Variants in TMEM106C observed in about 807,000 individuals in gnomAD.
TMEM106C encodes the protein endoplasmic reticulum membrane protein overexpressed in cancer.
In TMEM106C, 27 loss-of-function variants were observed where a neutral mutation model predicts 30.8. That is an observed-to-expected ratio of 0.88 (90% CI 0.65 to 1.21). The LOEUF (loss-of-function observed/expected upper bound fraction) is 1.21, where lower values mean the gene tolerates loss of function less well. Among genes scored for constraint, TMEM106C ranks in the 50% most tolerant of loss-of-function variants. TMEM106C has a pLI of 0.00. For missense variants in TMEM106C, 288 were observed against 307.8 expected (o/e 0.94, Z 0.48); for synonymous variants, 123 against 118.8 (o/e 1.04, Z -0.23).
At chr12:47,966,292 A>G in intron 5 of TMEM106C, 63 bp downstream of exon 5, 1 of 1,574,352 alleles carries the variant, frequency 6.4e-7, no homozygotes, top group African/African-American at 1.4e-5. Flanking sequence ...GGCTGTAGGA[A>G]TGCCATAGCT....
chr12:47,964,197 T>G lies in TMEM106C; in HGVS notation c.-28-12T>G, dbSNP rs1183315580. 8.1e-6 allele frequency: 13 copies of G among 1,599,366 alleles called. No individual in the cohort carries two copies. The highest frequency in any genetic ancestry group is 1.3e-5 in the African/African-American group (1 of 74,638). On this transcript the variant is annotated splice_polypyrimidine_tract_variant and intron_variant, in intron 1 of 7. Transcript: ENST00000429772. ...TGGGGCCGCTAACGTGCACTCCCTC[T>G]TTTCATCTTAGGACATGACACCAGT...
At chr12:47,964,599 C>T in intron 2 of TMEM106C, 176 bp downstream of exon 2, 1 of 609,478 alleles carries the variant, frequency 1.6e-6, no homozygotes, top group South Asian at 2.0e-5. Flanking sequence ...CTCTTCCTCT[C>T]CTTATTTTTC....
In TMEM106C at chr12:47,965,940, C is replaced by G; in HGVS notation, c.354C>G (p.Ile118Met). The stretch of plus-strand genomic sequence containing the variant: ...CAGTCCTTGTGGATGATGACGGCAT[C>G]AAAGTGGTGAAAGTCACATTTAATA... The part of the protein sequence containing the change: ...PHSVLVDDDG[I>M]KVVKVTFNKQ... The change falls in exon 4 of 8, where the codon ATC (isoleucine) becomes ATG (methionine). Residue 118 changes from isoleucine (I) to methionine (M), a missense_variant. By Grantham distance (10) the Ile-to-Met change is conservative. Coordinates refer to ENST00000429772, the MANE Select transcript of TMEM106C (RefSeq NM_001143842.2). The G allele has an allele frequency of 6.2e-7, 1 of 1,614,228 alleles. No individual in the cohort carries two copies. Among genetic ancestry groups the G allele is most frequent in the African/African-American group, 1.3e-5 (1 of 75,056 alleles).
intron 3 of TMEM106C, 79 bp from the exon 4 acceptor site, chr12:47,965,759 C>T: frequency 1.3e-6 from 2 of 1,544,886 alleles, no homozygotes; most frequent in Non-Finnish European, 8.8e-7. Context: ...CTTCTCTTTC[C>T]TGGTTTTGTG....
At chr12:47,965,130 C>G in intron 2 of TMEM106C, 152 bp from the exon 3 acceptor site, 3 of 631,512 alleles carry the variant, frequency 4.8e-6, no homozygotes. Flanking sequence ...TCTCTTGTTT[C>G]TTGTTCATTA....
chr12:47,965,187 CAGA>C (rs1302522341), intron 2 of TMEM106C, 92 bp from the exon 3 acceptor site: 1 of 989,418 alleles, frequency 1.0e-6, no homozygotes, highest in East Asian at 2.5e-5. Context: ...TGTCTCATTC[CAGA>C]AGAATATTTG....
Position 47,964,277 on chromosome 12 carries a change from G to T in TMEM106C, c.41G>T (p.Cys14Phe), listed in dbSNP as rs1363982491. The change falls in exon 2 of 8, where the codon TGC becomes TTC. Residue 14 changes from cysteine (C) to phenylalanine (F), a missense_variant. Physicochemically the swap from Cys to Phe is radical, Grantham distance 205. Transcript: ENST00000429772. The stretch of plus-strand genomic sequence containing the variant: ...TCCGCTGCTGCTCGCCCCTCCTCCT[G>T]CAGGCGAAAGCAAGAAGATGACAGG... ...QHSAAARPSS[C>F]RRKQEDDRDG... 2 of 1,613,912 alleles carry T rather than the reference G, an allele frequency of 1.2e-6. No individual in the cohort carries two copies. The highest frequency in any genetic ancestry group is 2.2e-5 in the South Asian group (2 of 91,000).
chr12:47,964,890 C>G (rs754474970), intron 2 of TMEM106C: 1 of 250,940 alleles, frequency 4.0e-6, no homozygotes, highest in Non-Finnish European at 7.6e-6. Flanking sequence ...AATTGGCCCT[C>G]AGAAAGTCTT....
In TMEM106C at chr12:47,967,197, C is replaced by G. The variant is rs1480147318; in HGVS notation, c.603-11C>G. The G allele has an allele frequency of 6.2e-7, 1 of 1,612,276 alleles. No individual in the cohort carries two copies. The highest frequency in any genetic ancestry group is 1.3e-5 in the African/African-American group (1 of 74,714). On this transcript the variant is annotated splice_polypyrimidine_tract_variant and intron_variant, in intron 6 of 7. Transcript: ENST00000429772. The stretch of plus-strand genomic sequence containing the variant: ...AAAAAACTGACTATTTCCATATTTG[C>G]TGTTTGGTAGCTTCTTCTGCACGGT...
rs149936461 is a variant in TMEM106C at position 47,968,151 on chromosome 12, A to G, written c.675A>G (p.Ser225=). 2 of 1,613,542 alleles carry G rather than the reference A, an allele frequency of 1.2e-6. No individual in the cohort carries two copies. The highest frequency in any genetic ancestry group is 1.3e-5 in the African/African-American group (1 of 75,016). Residue 225 remains serine (S), a synonymous_variant, in exon 8 of 8, where the codon TCA becomes TCG. Coordinates refer to ENST00000429772, the MANE Select transcript of TMEM106C (RefSeq NM_001143842.2). The part of the protein sequence containing the change: ...VIFMRTSVKI[S]YIGLMTQSSL... ...TCCCTAGAACTTCAGTGAAGATTTCATACATTGGCCTCATGACCCAGAGCT... is the reference window on the plus strand; with the variant it reads ...TCCCTAGAACTTCAGTGAAGATTTCGTACATTGGCCTCATGACCCAGAGCT...
chr12:47,966,935 G>A (rs1232200414), intron 6 of TMEM106C: 2 of 638,528 alleles, frequency 3.1e-6, no homozygotes, highest in Admixed American at 5.8e-5. Context: ...ATATGTGACA[G>A]AAGTGCTGGA....
Position 47,966,184 on chromosome 12 carries a change from T to C in TMEM106C, c.507T>C (p.Tyr169=), listed in dbSNP as rs750185867. 4 of 1,614,030 alleles carry C rather than the reference T, an allele frequency of 2.5e-6. No individual in the cohort carries two copies. In the East Asian group the frequency reaches 8.9e-5, roughly 36 times the overall value. Residue 169 remains tyrosine, a synonymous_variant, in exon 5 of 8, where the codon TAT becomes TAC. Transcript: ENST00000429772. ...IQYMNTVVST[Y]VTTNVSLIPP... is the part of the protein sequence containing the mutation. The stretch of plus-strand genomic sequence containing the variant: ...ACATGAACACAGTGGTCAGTACATA[T>C]GTGACTACTAACGTCTCCCTTATTC...
chr12:47,966,807 G>C (rs1385848258), intron 6 of TMEM106C, 75 bp downstream of exon 6: 2 of 1,512,528 alleles, frequency 1.3e-6, no homozygotes, highest in Non-Finnish European at 1.8e-6. Context: ...ATTGATTGGG[G>C]CCTGGTCCTG....
At position 47,968,100 on chromosome 12, in the gene TMEM106C, A is replaced by G. The variant is rs564970354; in HGVS notation, c.657-33A>G. On this transcript the variant is annotated intron_variant, in intron 7 of 7. Transcript: ENST00000429772. ...TTCTGGCTTATTTCATCCCCCAAAC[A>G]TAATTAATTCTTCTTGGTTTTCTTT... 9 of 1,574,752 alleles carry G rather than the reference A, an allele frequency of 5.7e-6. No individual in the cohort carries two copies. In the Admixed American group the frequency reaches 1.0e-4, roughly 18 times the overall value.
In TMEM106C at chr12:47,968,395, A is replaced by G. The variant is rs1390239928; in HGVS notation, c.*166A>G. The G allele has an allele frequency of 1.4e-6, 1 of 691,666 alleles. No individual in the cohort carries two copies. The highest frequency in any genetic ancestry group is 2.0e-5 in the Admixed American group (1 of 49,634). The allele number at this position is 691,666 out of a possible 1,614,324, so 42.8% of individuals were successfully genotyped here. On this transcript the variant is annotated 3_prime_UTR_variant, in exon 8 of 8. Coordinates refer to ENST00000429772, the MANE Select transcript of TMEM106C (RefSeq NM_001143842.2). ...GCCACTTAGGAGGAAACACCTCCCT[A>G]TGGTACCATTTATGTTTCTCAGAAC... is the stretch of plus-strand genomic sequence containing the variant.
chr12:47,965,194 A>G (rs1018552726), intron 2 of TMEM106C, 88 bp from the exon 3 acceptor site: 1 of 1,044,516 alleles, frequency 9.6e-7, no homozygotes, highest in South Asian at 1.4e-5. Context: ...TTCCAGAAGA[A>G]TATTTGTTGT....
intron 2 of TMEM106C, 106 bp downstream of exon 2, chr12:47,964,529 C>A: frequency 9.4e-7 from 1 of 1,060,008 alleles, no homozygotes; most frequent in Non-Finnish European, 1.4e-6. Context: ...ATAATAGAGA[C>A]AGTGCCCTGG....
Position 47,968,795 on chromosome 12 carries a change from A to G in TMEM106C, c.*566A>G, listed in dbSNP as rs191435820. 83 of 163,000 alleles carry G rather than the reference A, an allele frequency of 5.1e-4. No homozygotes were observed. The highest frequency in any genetic ancestry group is 3.0e-3 in the Middle Eastern group (1 of 330). 10.1% of individuals were successfully genotyped at this position (163,000 alleles called of 1,614,324 possible). On this transcript the variant is annotated 3_prime_UTR_variant, in exon 8 of 8. Transcript: ENST00000429772. ...TTAGAATTGTTTTTACCAAGAGTCT[A>G]TGTGGGGCTTGATTCACCCTTCATC...
intron 5 of TMEM106C, 165 bp from the exon 6 acceptor site, chr12:47,966,518 G>T (rs1938228941): frequency 1.3e-6 from 1 of 776,492 alleles, no homozygotes; most frequent in African/African-American, 1.7e-5. Context: ...AAGGGAAGAG[G>T]TTGGCAGTAT....
Sources: allele counts gnomAD v4.1 joint callset, GRCh38; gene constraint gnomAD v4.1.1; transcripts MANE v1.5; gene names NCBI Gene and HGNC (gene_info 2026-07-23, HGNC 2026-07-21).